Variants in USP12 observed in about 807,000 individuals in gnomAD.
The protein encoded by USP12 is ubiquitin carboxyl-terminal hydrolase 12.
Under a neutral mutation model 45.5 loss-of-function variants are expected in USP12, and 19 were observed. The ratio of observed to expected loss-of-function variants is 0.42; its 90% CI spans 0.29 to 0.61. The LOEUF (loss-of-function observed/expected upper bound fraction) is 0.61. Ranked by LOEUF, USP12 falls within the 20% of genes least tolerant of loss-of-function variation. The pLI is 0.22. For synonymous variants in USP12, 149 were observed against 148.8 expected (o/e 1.00, Z -0.01); for missense variants, 242 against 447.7 (o/e 0.54, Z 4.15).
chr13:27,102,435 C>T (rs1280477908), intron 3 of USP12, among the ~76,000 whole-genome samples: 1 of 152,218 alleles, frequency 6.6e-6, no homozygotes, highest in Admixed American at 6.5e-5. Flanking sequence ...GTATCACCCA[C>T]CTGCTCAGAA....
chr13:27,116,738 A>T, intron 1 of USP12, 142 bp from the exon 2 acceptor site: 1 of 604,308 alleles, frequency 1.7e-6, no homozygotes, highest in Non-Finnish European at 2.7e-6. Context: ...TTTATCCTTT[A>T]CACCGTATTT....
At chr13:27,093,570 G>T (rs1248146848) in intron 4 of USP12, among the ~76,000 whole-genome samples, 1 of 152,166 alleles carries the variant, frequency 6.6e-6, no homozygotes, top group Non-Finnish European at 1.5e-5. Flanking sequence ...TTCACTGCTG[G>T]TAAGAAGGAA....
At chr13:27,130,517 C>CT (rs1323103919) in intron 1 of USP12, among the ~76,000 whole-genome samples, 5 of 146,344 alleles carry the variant, frequency 3.4e-5, no homozygotes, top group African/African-American at 1.3e-4. Context: ...AACATTCAAA[C>CT]TGTTCAGTTC....
At chr13:27,075,738 G>A (rs1269424319) in intron 6 of USP12, among the ~76,000 whole-genome samples, 3 of 152,072 alleles carry the variant, frequency 2.0e-5, no homozygotes, top group South Asian at 2.1e-4. Flanking sequence ...CTCAAGAGTG[G>A]TAGAGGGAAG....
chr13:27,171,523 G>C (rs1878617931), intron 1 of USP12, 69 bp downstream of exon 1: 2 of 861,580 alleles, frequency 2.3e-6, no homozygotes, highest in African/African-American at 4.0e-5. Flanking sequence ...ACTGGGAGAG[G>C]CGGGTCCAGC....
At chr13:27,157,988 A>G (rs1454822267) in intron 1 of USP12, among the ~76,000 whole-genome samples, 1 of 152,226 alleles carries the variant, frequency 6.6e-6, no homozygotes, top group Non-Finnish European at 1.5e-5. Flanking sequence ...ATTCCTTGAC[A>G]TTAATTGCAA....
Position 27,117,837 on chromosome 13 carries a change from G to A in USP12, c.49-1241C>T, listed in dbSNP as rs765523859. Reference sequence around the variant, plus strand: ...TCAATTCTGTGCACCTGTGGTCCCCGACGACCATGTGAAAGGGAGGGGGAG... The same window carrying A: ...TCAATTCTGTGCACCTGTGGTCCCCAACGACCATGTGAAAGGGAGGGGGAG... On this transcript the variant is annotated intron_variant, in intron 1 of 8. Coordinates refer to ENST00000282344, the MANE Select transcript of USP12 (RefSeq NM_182488.4). 225 of 517,738 alleles carry A rather than the reference G, an allele frequency of 4.3e-4. 1 individual carries two copies. The highest frequency in any genetic ancestry group is 6.3e-4 in the Middle Eastern group (2 of 3,168). The allele number at this position is 517,738 out of a possible 1,614,324, so 32.1% of individuals were successfully genotyped here. A position where few individuals can be genotyped will look rare whatever the true frequency, so the allele number is the denominator to read the frequency against.
intron 1 of USP12, among the ~76,000 whole-genome samples, chr13:27,130,148 G>A (rs762810993): frequency 4.9e-4 from 75 of 152,132 alleles, no homozygotes; most frequent in Non-Finnish European, 5.9e-4. Context: ...CTAGTAACAG[G>A]GCTGGCAGCG....
intron 1 of USP12, among the ~76,000 whole-genome samples, chr13:27,171,220 C>T (rs1360283558): frequency 2.0e-5 from 3 of 150,660 alleles, no homozygotes; most frequent in Non-Finnish European, 4.4e-5. Context: ...CCACCCCTCA[C>T]CCCGGCACAG....
At chr13:27,103,359 C>A (rs1874959078) in intron 3 of USP12, among the ~76,000 whole-genome samples, 2 of 151,900 alleles carry the variant, frequency 1.3e-5, no homozygotes, top group South Asian at 4.2e-4. Flanking sequence ...AAATATATTT[C>A]AAAACATATT....
chr13:27,122,456 T>C (rs1405209547), intron 1 of USP12, among the ~76,000 whole-genome samples: 1 of 151,638 alleles, frequency 6.6e-6, no homozygotes, highest in African/African-American at 2.4e-5. Context: ...TTATTGGCAG[T>C]GTGGAAACGG....
intron 1 of USP12, among the ~76,000 whole-genome samples, chr13:27,155,747 G>A (rs574714648): frequency 5.9e-5 from 9 of 152,262 alleles, no homozygotes; most frequent in Admixed American, 1.3e-4. Flanking sequence ...TAGTTCAGAT[G>A]CAAAAATCTG....
chr13:27,134,690 C>A (rs1876712083), intron 1 of USP12, among the ~76,000 whole-genome samples: 2 of 151,474 alleles, frequency 1.3e-5, no homozygotes, highest in African/African-American at 4.9e-5. Flanking sequence ...TTAATTATGC[C>A]TAGAGATTTG....
chr13:27,123,277 C>G (rs1195446088), intron 1 of USP12, among the ~76,000 whole-genome samples: 1 of 152,154 alleles, frequency 6.6e-6, no homozygotes, highest in Non-Finnish European at 1.5e-5. Context: ...TTCCAGACCT[C>G]AGTTTCCTCA....
intron 1 of USP12, chr13:27,117,918 C>T (rs1198577586): frequency 1.1e-5 from 5 of 436,834 alleles, no homozygotes; most frequent in Non-Finnish European, 1.4e-5. Flanking sequence ...TACAACTAAA[C>T]AGATTCTAAA....
chr13:27,120,524 G>A (rs1275246662), intron 1 of USP12, among the ~76,000 whole-genome samples: 10 of 151,900 alleles, frequency 6.6e-5, no homozygotes, highest in Admixed American at 5.2e-4. Context: ...GGTGGTCGTG[G>A]GCGCCTGTAA....
At chr13:27,141,562 A>AC (rs1483524374) in intron 1 of USP12, among the ~76,000 whole-genome samples, 8 of 152,310 alleles carry the variant, frequency 5.3e-5, no homozygotes, top group Admixed American at 3.9e-4. Context: ...TGACAAACAA[A>AC]CACAGGAGCC....
At chr13:27,115,646 C>T (rs1010348670) in intron 2 of USP12, among the ~76,000 whole-genome samples, 3 of 152,202 alleles carry the variant, frequency 2.0e-5, no homozygotes, top group African/African-American at 7.2e-5. Context: ...TCCCCAGTGA[C>T]TCAGAACAGG....
intron 2 of USP12, among the ~76,000 whole-genome samples, chr13:27,112,337 G>C (rs1199961481): frequency 6.6e-6 from 1 of 151,090 alleles, no homozygotes; most frequent in African/African-American, 2.4e-5. Flanking sequence ...CCAGGCTGGG[G>C]TGCAGTGGTA....
Sources: allele counts gnomAD v4.1 joint callset (sites outside exome capture counted in the v4.1 genomes callset), GRCh38; gene constraint gnomAD v4.1.1; transcripts MANE v1.5; gene names NCBI Gene and HGNC (gene_info 2026-07-23, HGNC 2026-07-21).